CSMD1: variants seen among roughly 807,000 people sequenced by gnomAD.
The protein encoded by CSMD1 is CUB and sushi domain-containing protein 1.
CSMD1 carries 213 observed loss-of-function variants against 417.5 expected under a neutral mutation model. The observed-to-expected ratio is 0.51, with a 90% CI of 0.46 to 0.57. The LOEUF is 0.57. CSMD1 is among the 20% of genes least tolerant of loss of function. CSMD1 has a pLI of 0.00. For missense variants in CSMD1, 6,923 were observed against 4,529.7 expected (o/e 1.53, Z -15.17); for synonymous variants, 2,862 against 1,736.8 (o/e 1.65, Z -16.11).
chr8:4,770,894 G>A lies in CSMD1; in HGVS notation c.86-133336C>T, dbSNP rs116795284. On this transcript the variant is annotated intron_variant, in intron 1 of 69. Coordinates refer to ENST00000635120, the MANE Select transcript of CSMD1 (RefSeq NM_033225.6). ...GGAAATGCTCGTTAACATTGGCCTT[G>A]ACGATGATTTCCCATATATCACACC... 1.5e-3 allele frequency among the ~76,000 whole-genome samples: 228 copies of A among 152,220 alleles called. 1 individual carries two copies. Among genetic ancestry groups the A allele is most frequent in the African/African-American group, 5.3e-3 (218 of 41,518 alleles).
chr8:4,058,247 C>G (rs867826783), intron 3 of CSMD1, among the ~76,000 whole-genome samples: 1 of 152,058 alleles, frequency 6.6e-6, no homozygotes, highest in South Asian at 2.1e-4. Flanking sequence ...AGAGGTCCTT[C>G]ACATCCCTTG....
intron 10 of CSMD1, among the ~76,000 whole-genome samples, chr8:3,500,010 T>C (rs1029691215): frequency 6.6e-6 from 1 of 152,072 alleles, no homozygotes; most frequent in Admixed American, 6.5e-5. Context: ...TGGGGGCTTT[T>C]CTGAAGCCCT....
At chr8:3,193,053 A>G (rs1056133637) in intron 33 of CSMD1, among the ~76,000 whole-genome samples, 1 of 152,192 alleles carries the variant, frequency 6.6e-6, no homozygotes, top group Non-Finnish European at 1.5e-5. Flanking sequence ...AATACCTGCT[A>G]TCGTGGCAAA....
At chr8:4,125,302 T>C (rs897482050) in intron 3 of CSMD1, among the ~76,000 whole-genome samples, 1 of 152,234 alleles carries the variant, frequency 6.6e-6, no homozygotes, top group Non-Finnish European at 1.5e-5. Flanking sequence ...CTGACTGGCT[T>C]CTTTGGAAAA....
chr8:4,226,974 G>A (rs950207117), intron 3 of CSMD1, among the ~76,000 whole-genome samples: 1 of 152,166 alleles, frequency 6.6e-6, no homozygotes, highest in Non-Finnish European at 1.5e-5. Context: ...GTTTGGAGAA[G>A]CACAGTTCTG....
rs192890049 is a variant in CSMD1 at position 3,734,630 on chromosome 8, G to C, written c.931+19300C>G. ...GGAGTCTGAGGCAGGAGAATTGCTT[G>C]AACCTGGGAGGCGGAGGTCGCAGTG... On this transcript the variant is annotated intron_variant, in intron 6 of 69. Transcript: ENST00000635120. 6.4e-4 allele frequency among the ~76,000 whole-genome samples: 97 copies of C among 152,294 alleles called. 2 individuals carry two copies. The highest frequency in any genetic ancestry group is 2.2e-3 in the African/African-American group (90 of 41,570).
At chr8:2,961,777 A>C (rs1803516939) in intron 61 of CSMD1, among the ~76,000 whole-genome samples, 1 of 152,228 alleles carries the variant, frequency 6.6e-6, no homozygotes, top group East Asian at 1.9e-4. Flanking sequence ...CAGTAGAAAA[A>C]CAAAACAGAT....
chr8:4,148,117 G>A (rs368353617), intron 3 of CSMD1, among the ~76,000 whole-genome samples: 50 of 152,178 alleles, frequency 3.3e-4, no homozygotes, highest in East Asian at 2.7e-3. Flanking sequence ...TCTTTGATGC[G>A]CGTGACATGC....
At chr8:4,003,409 A>C (rs1815855812) in intron 4 of CSMD1, among the ~76,000 whole-genome samples, 1 of 124,464 alleles carries the variant, frequency 8.0e-6, no homozygotes, top group African/African-American at 2.8e-5. Flanking sequence ...CAAACAAACA[A>C]AAAAACAAAC....
chr8:4,445,330 T>G (rs1798718650), intron 2 of CSMD1, among the ~76,000 whole-genome samples: 1 of 152,238 alleles, frequency 6.6e-6, no homozygotes, highest in Admixed American at 6.5e-5. Flanking sequence ...ATTTTCTGTA[T>G]ACTTCAGAAG....
chr8:3,662,787 A>G lies in CSMD1; in HGVS notation c.1009+45627T>C, dbSNP rs550393972. On this transcript the variant is annotated intron_variant, in intron 7 of 69. Transcript: ENST00000635120. ...TCTCACTCATAAGTGGGGTTGAACA[A>G]TGAGAACACATGGACACAGGGAGGG... Among the ~76,000 whole-genome samples the G allele has an allele frequency of 8.5e-4, 130 of 152,136 alleles. 2 individuals carry two copies. The highest frequency in any genetic ancestry group is 5.6e-4 in the Non-Finnish European group (38 of 68,006).
chr8:4,484,497 G>A (rs374256176), intron 2 of CSMD1, among the ~76,000 whole-genome samples: 1 of 151,936 alleles, frequency 6.6e-6, no homozygotes, highest in Non-Finnish European at 1.5e-5. Context: ...AGAGAACAGG[G>A]GATCTTAAGC....
intron 12 of CSMD1, among the ~76,000 whole-genome samples, chr8:3,455,305 C>A (rs868267672): frequency 1.2e-4 from 19 of 152,326 alleles, no homozygotes; most frequent in South Asian, 4.1e-4. Context: ...GCCTTCTTCT[C>A]TCAACTCATC....
Position 3,978,569 on chromosome 8 carries a change from T to C in CSMD1, c.818+19334A>G, listed in dbSNP as rs542039509. 3.9e-5 allele frequency among the ~76,000 whole-genome samples: 6 copies of C among 152,216 alleles called. No homozygotes were observed. The East Asian group carries it at 7.7e-4, about 20-fold the overall frequency. On this transcript the variant is annotated intron_variant, in intron 5 of 69. Transcript: ENST00000635120. ...AGGGTTTCAAAAATATAGATCCTCA[T>C]AGGGTCTAATGAATAGATTGAGGCA... is the stretch of plus-strand genomic sequence containing the variant.
intron 7 of CSMD1, among the ~76,000 whole-genome samples, chr8:3,701,743 A>G (rs1800883630): frequency 6.6e-6 from 1 of 152,204 alleles, no homozygotes; most frequent in Non-Finnish European, 1.5e-5. Context: ...TTATAATTAC[A>G]TCATTAAGTA....
chr8:3,245,189 G>C (rs1019298434), intron 26 of CSMD1, among the ~76,000 whole-genome samples: 4 of 152,112 alleles, frequency 2.6e-5, no homozygotes, highest in Admixed American at 2.0e-4. Flanking sequence ...CCTGTCTTCT[G>C]AGTTGCTCAA....
intron 6 of CSMD1, among the ~76,000 whole-genome samples, chr8:3,749,249 G>C (rs974152088): frequency 1.3e-5 from 2 of 152,180 alleles, no homozygotes; most frequent in African/African-American, 2.4e-5. Context: ...GAAATAATGT[G>C]TCCTGCATAA....
At chr8:2,942,684 A>G (rs1022711469) in intron 68 of CSMD1, 80 bp from the exon 69 acceptor site, 3 of 1,123,508 alleles carry the variant, frequency 2.7e-6, no homozygotes, top group Admixed American at 6.1e-5. Flanking sequence ...TTGTAAATGG[A>G]TACGAACTCT....
intron 1 of CSMD1, among the ~76,000 whole-genome samples, chr8:4,991,568 C>T (rs1811463700): frequency 6.6e-6 from 1 of 152,166 alleles, no homozygotes; most frequent in South Asian, 2.1e-4. Context: ...GCGCAGCTGC[C>T]CACGGCAGTG....
Sources: gnomAD v4.1 joint callset for allele counts (sites outside exome capture counted in the v4.1 genomes callset) on GRCh38, gnomAD v4.1.1 for gene constraint, MANE v1.5 for transcripts, NCBI Gene and HGNC (gene_info 2026-07-23, HGNC 2026-07-21) for gene names.